Variants in CSMD1 observed in about 807,000 individuals in gnomAD.
The protein encoded by CSMD1 is CUB and sushi domain-containing protein 1.
A neutral mutation model predicts 417.5 loss-of-function variants in CSMD1; 213 were observed. That is an observed-to-expected ratio of 0.51 (90% confidence interval 0.46 to 0.57). The LOEUF (loss-of-function observed/expected upper bound fraction) is 0.57. CSMD1 is among the 20% of genes least tolerant of loss of function. The pLI, the probability that CSMD1 is intolerant of heterozygous loss-of-function variation, is 0.00. For synonymous variants in CSMD1, 2,862 were observed against 1,736.8 expected (o/e 1.65, Z -16.11); for missense variants, 6,923 against 4,529.7 (o/e 1.53, Z -15.17).
At chr8:2,966,896 G>C (rs1804009712) in intron 57 of CSMD1, 150 bp from the exon 58 acceptor site, 1 of 620,994 alleles carries the variant, frequency 1.6e-6, no homozygotes, top group Non-Finnish European at 2.8e-6. Context: ...TTAACATATG[G>C]CTTACTATGG....
At position 4,508,912 on chromosome 8, in the gene CSMD1, T is replaced by C. The variant is rs138999687; in HGVS notation, c.303-88847A>G. Among the ~76,000 whole-genome samples, 267 of 152,226 alleles carry C rather than the reference T, an allele frequency of 1.8e-3. 1 individual carries two copies. Among genetic ancestry groups the C allele is most frequent in the African/African-American group, 6.2e-3 (257 of 41,526 alleles). On this transcript the variant is annotated intron_variant, in intron 2 of 69. Transcript: ENST00000635120. ...AGAGGAAAATGCCTAAATAGGATGG[T>C]GCACAGGGGCATAAATCCCACAGGA...
At chr8:4,890,736 G>T (rs1804063062) in intron 1 of CSMD1, among the ~76,000 whole-genome samples, 1 of 152,140 alleles carries the variant, frequency 6.6e-6, no homozygotes, top group South Asian at 2.1e-4. Context: ...AGTAATTGCG[G>T]TGTTTGCAAT....
At chr8:3,702,029 G>C (rs760826872) in intron 7 of CSMD1, 3 of 152,092 alleles carry the variant, frequency 2.0e-5, no homozygotes, top group Middle Eastern at 3.4e-3. Flanking sequence ...TACAAACAAA[G>C]AGCAAGGAAG....
intron 10 of CSMD1, among the ~76,000 whole-genome samples, chr8:3,505,235 A>G (rs1796774974): frequency 6.6e-6 from 1 of 152,206 alleles, no homozygotes; most frequent in South Asian, 2.1e-4. Context: ...GATATAGAAT[A>G]AACCAGAACA....
intron 5 of CSMD1, among the ~76,000 whole-genome samples, chr8:3,959,744 ACT>A (rs1812197114): frequency 6.6e-6 from 1 of 152,132 alleles, no homozygotes; most frequent in African/African-American, 2.4e-5. Context: ...GCGGGAACAC[ACT>A]CAAACTTAGG....
chr8:3,491,884 G>A (rs546369005), intron 11 of CSMD1, among the ~76,000 whole-genome samples: 5 of 152,186 alleles, frequency 3.3e-5, no homozygotes, highest in African/African-American at 1.2e-4. Context: ...AAAGGAGTTA[G>A]AAAGAGACAG....
chr8:4,416,916 A>G (rs1404004628), intron 3 of CSMD1, among the ~76,000 whole-genome samples: 1 of 152,090 alleles, frequency 6.6e-6, no homozygotes, highest in Non-Finnish European at 1.5e-5. Flanking sequence ...AGGAATTTTA[A>G]TAGTAATCTT....
At chr8:3,018,953 T>C (rs1358536925) in intron 51 of CSMD1, among the ~76,000 whole-genome samples, 1 of 152,186 alleles carries the variant, frequency 6.6e-6, no homozygotes, top group Non-Finnish European at 1.5e-5. Flanking sequence ...AGTCTTACTC[T>C]GTTGACCAGG....
At chr8:4,388,954 G>C (rs1053392955) in intron 3 of CSMD1, among the ~76,000 whole-genome samples, 3 of 152,004 alleles carry the variant, frequency 2.0e-5, no homozygotes, top group Admixed American at 6.6e-5. Context: ...CCATCTCTAC[G>C]TCTCTTACCT....
intron 30 of CSMD1, among the ~76,000 whole-genome samples, chr8:3,207,157 T>C (rs1360128925): frequency 3.9e-5 from 3 of 76,392 alleles, no homozygotes; most frequent in Non-Finnish European, 8.5e-5. Flanking sequence ...TTTTCTTTTT[T>C]TTTTTTTGAG....
At chr8:4,367,620 T>C (rs926785790) in intron 3 of CSMD1, among the ~76,000 whole-genome samples, 29 of 152,312 alleles carry the variant, frequency 1.9e-4, no homozygotes, top group African/African-American at 5.8e-4. Flanking sequence ...GGTACTTTGA[T>C]ATTAATATTG....
At chr8:3,701,062 G>C (rs1285025601) in intron 7 of CSMD1, among the ~76,000 whole-genome samples, 1 of 151,990 alleles carries the variant, frequency 6.6e-6, no homozygotes, top group Non-Finnish European at 1.5e-5. Context: ...AGAGGCCGGA[G>C]AGAGGGGTGC....
At chr8:3,133,523 C>T (rs1054848953) in intron 41 of CSMD1, among the ~76,000 whole-genome samples, 11 of 152,114 alleles carry the variant, frequency 7.2e-5, no homozygotes, top group Non-Finnish European at 1.6e-4. Flanking sequence ...GGAAGGCTCA[C>T]GTGGACACCG....
In CSMD1 at chr8:4,931,319, G is replaced by C. The variant is rs138903375; in HGVS notation, c.85+63013C>G. 1.5e-3 allele frequency among the ~76,000 whole-genome samples: 225 copies of C among 152,022 alleles called. 7 individuals are homozygous for C. The East Asian group carries it at 0.017, about 12-fold the overall frequency. On this transcript the variant is annotated intron_variant, in intron 1 of 69. Coordinates refer to ENST00000635120, the MANE Select transcript of CSMD1 (RefSeq NM_033225.6). ...TCAGGACATAGTTCTCCTTCTGGTC[G>C]CTACGAGGAGTAAACATCCCATCCC...
chr8:3,328,347 C>T lies in CSMD1; in HGVS notation c.3631+14947G>A, dbSNP rs1390432652. ...ATGCTGCTTAAGGCACCTCTGCTTC[C>T]TCTCTCAATATCATCTGACCCTAAG... On this transcript the variant is annotated intron_variant, in intron 23 of 69. Transcript: ENST00000635120. Among the ~76,000 whole-genome samples the T allele has an allele frequency of 5.9e-5, 9 of 152,292 alleles. No homozygotes were observed. The East Asian group carries it at 1.7e-3, about 29-fold the overall frequency.
intron 41 of CSMD1, among the ~76,000 whole-genome samples, chr8:3,131,721 C>T (rs1817804918): frequency 6.6e-6 from 1 of 152,128 alleles, no homozygotes; most frequent in Non-Finnish European, 1.5e-5. Flanking sequence ...ATCCACCCGC[C>T]TCGGCCTCCC....
chr8:3,599,455 A>G (rs1380389979), intron 8 of CSMD1, among the ~76,000 whole-genome samples: 2 of 152,130 alleles, frequency 1.3e-5, no homozygotes, highest in African/African-American at 4.8e-5. Context: ...CCAAAGCAGC[A>G]TTATTAACCA....
chr8:4,273,744 C>A, intron 3 of CSMD1, among the ~76,000 whole-genome samples: 1 of 152,150 alleles, frequency 6.6e-6, no homozygotes, highest in East Asian at 1.9e-4. Context: ...GGTCAAAACA[C>A]TGACAGCTCA....
chr8:4,285,226 A>G (rs1796997522), intron 3 of CSMD1, among the ~76,000 whole-genome samples: 1 of 152,154 alleles, frequency 6.6e-6, no homozygotes, highest in Admixed American at 6.5e-5. Flanking sequence ...CTTGTATACA[A>G]TCCGGTTTCA....
Sources: allele counts gnomAD v4.1 joint callset (sites outside exome capture counted in the v4.1 genomes callset), GRCh38; gene constraint gnomAD v4.1.1; transcripts MANE v1.5; gene names NCBI Gene and HGNC (gene_info 2026-07-23, HGNC 2026-07-21).